Variants in ZNF780A observed in about 807,000 individuals in gnomAD.
The protein encoded by ZNF780A is zinc finger protein 780A.
A neutral mutation model predicts 56.7 loss-of-function variants in ZNF780A; 40 were observed. The observed-to-expected ratio is 0.71, with a 90% CI of 0.55 to 0.92. The LOEUF is 0.92. Among genes scored for constraint, ZNF780A ranks in the 40% least tolerant of loss-of-function variants. The pLI is 0.00. For missense variants in ZNF780A, 672 were observed against 783.3 expected (o/e 0.86, Z 1.70); for synonymous variants, 231 against 248.3 (o/e 0.93, Z 0.66).
chr19:40,089,988 C>A lies in ZNF780A; in HGVS notation c.-46+178G>T, dbSNP rs115884771. ...TCTATACCAGCTTCGAAAAAGAGAG[C>A]GCACAGGAAGGTGTGAACGATTTGC... On this transcript the variant is annotated intron_variant, in intron 2 of 5. Transcript: ENST00000683561. 2.4e-3 allele frequency among the ~76,000 whole-genome samples: 359 copies of A among 152,188 alleles called. 2 individuals are homozygous for A. The highest frequency in any genetic ancestry group is 8.2e-3 in the African/African-American group (340 of 41,508).
At chr19:40,072,948 G>A, downstream of ZNF780A, 1 of 1,546,320 alleles carries the variant, frequency 6.5e-7, no homozygotes, top group South Asian at 1.2e-5. Flanking sequence ...ATGAATAGCT[G>A]TAAAAGATGG....
chr19:40,089,157 C>A, intron 2 of ZNF780A: 2 of 1,120,556 alleles, frequency 1.8e-6, no homozygotes, highest in African/African-American at 1.6e-5. Flanking sequence ...TTGAAAAATG[C>A]TAGGAGGGTG....
Position 40,075,293 on chromosome 19 carries a change from G to A in ZNF780A, c.1149C>T (p.His383=). 1 of 1,613,684 alleles carries A rather than the reference G, an allele frequency of 6.2e-7. No homozygotes were observed. ...LNQLNRHKNI[H]TGEKPFECKE... is the part of the protein sequence containing the mutation. The stretch of plus-strand genomic sequence containing the variant: ...TACATTCAAACGGTTTTTCACCTGT[G>A]TGAATGTTCTTATGGCGATTAAGCT... Residue 383 remains histidine (H), a synonymous_variant, in exon 6 of 6, where the codon CAC becomes CAT. Transcript: ENST00000683561.
At chr19:40,085,669 C>G (rs534700213) in intron 2 of ZNF780A, among the ~76,000 whole-genome samples, 10 of 152,174 alleles carry the variant, frequency 6.6e-5, no homozygotes, top group Non-Finnish European at 1.5e-4. Flanking sequence ...ATCACGAGGT[C>G]AGGAGATCGA....
Position 40,074,564 on chromosome 19 carries a change from G to C in ZNF780A, c.1878C>G (p.Thr626=), listed in dbSNP as rs760691870. 2 of 1,613,616 alleles carry C rather than the reference G, an allele frequency of 1.2e-6. No homozygotes were observed. The highest frequency in any genetic ancestry group is 2.2e-5 in the East Asian group (1 of 44,822). Residue 626 remains threonine (T), a synonymous_variant, in exon 6 of 6, where the codon ACC becomes ACG. Coordinates refer to ENST00000683561, the MANE Select transcript of ZNF780A (RefSeq NM_001142578.2). The part of the protein sequence containing the change: ...KECGKVFSLP[T]QLNRHKNIHT... ...GAATGTTCTTATGGCGATTAAGCTG[G>C]GTGGGAAGACTAAAAACCTTTCCAC...
At chr19:40,079,513 A>G (rs1196286116) in intron 5 of ZNF780A, among the ~76,000 whole-genome samples, 2 of 152,168 alleles carry the variant, frequency 1.3e-5, no homozygotes, top group African/African-American at 4.8e-5. Flanking sequence ...TTTACTGAAC[A>G]TTTCATCAAA....
downstream of ZNF780A, chr19:40,070,357 C>T (rs535347472): frequency 6.6e-6 from 1 of 152,236 alleles, no homozygotes; most frequent in East Asian, 1.9e-4. Context: ...ATTTAAGCAA[C>T]TTAGTAACCA....
chr19:40,090,845 G>A (rs976244749), intron 1 of ZNF780A, 61 bp downstream of exon 1: 5 of 152,540 alleles, frequency 3.3e-5, no homozygotes, highest in African/African-American at 1.2e-4. Flanking sequence ...TCAGGCTGGA[G>A]CCCCAATCCG....
At chr19:40,077,448 AC>A (rs538954706) in intron 5 of ZNF780A, among the ~76,000 whole-genome samples, 2 of 152,170 alleles carry the variant, frequency 1.3e-5, no homozygotes, top group South Asian at 4.2e-4. Flanking sequence ...CTTTTAAACA[AC>A]CAGGTCTTGC....
chr19:40,088,795 T>C (rs377083439), intron 2 of ZNF780A, among the ~76,000 whole-genome samples: 3 of 152,248 alleles, frequency 2.0e-5, no homozygotes, highest in African/African-American at 7.2e-5. Flanking sequence ...GTGGTATATA[T>C]GCAGGTATAT....
chr19:40,082,299 T>G (rs796597303), intron 4 of ZNF780A, among the ~76,000 whole-genome samples: 12 of 152,320 alleles, frequency 7.9e-5, no homozygotes, highest in African/African-American at 2.9e-4. Context: ...TTTATAGGAT[T>G]GATACTAAGA....
rs543325319 is a variant in ZNF780A at position 40,075,499 on chromosome 19, G to A, written c.943C>T (p.Arg315Ter). 46 of 1,611,062 alleles carry A rather than the reference G, an allele frequency of 2.9e-5. No homozygotes were observed. The highest frequency in any genetic ancestry group is 6.8e-5 in the African/African-American group (5 of 73,938). ...TGTTCAATAAGTTGGTAATGATATC[G>A]AAAGGCCATCCCACATTCCTTACAT... The part of the protein sequence containing the change: ...FVCKECGMAF[R>*]YHYQLIEHCQ... The change falls in exon 6 of 6, where the codon CGA (arginine) becomes TGA (stop). Residue 315 changes from arginine to a stop codon, truncating the protein, a stop_gained. Coordinates refer to ENST00000683561, the MANE Select transcript of ZNF780A (RefSeq NM_001142578.2). LOFTEE classifies it high-confidence loss of function.
intron 5 of ZNF780A, among the ~76,000 whole-genome samples, chr19:40,079,736 G>A (rs1974365567): frequency 6.6e-6 from 1 of 151,844 alleles, no homozygotes; most frequent in African/African-American, 2.4e-5. Flanking sequence ...ATAACCACTG[G>A]GTCAAGAAAG....
intron 2 of ZNF780A, among the ~76,000 whole-genome samples, chr19:40,088,027 C>T (rs560774901): frequency 5.9e-5 from 9 of 152,214 alleles, no homozygotes; most frequent in Non-Finnish European, 1.3e-4. Flanking sequence ...AGATTAAAGA[C>T]TTAAATGTAA....
In ZNF780A at chr19:40,075,361, AG is replaced by A. The variant is rs759267181; in HGVS notation, c.1080del (p.Phe361LeufsTer54). On this transcript the variant is annotated frameshift_variant, in exon 6 of 6. Coordinates refer to ENST00000683561, the MANE Select transcript of ZNF780A (RefSeq NM_001142578.2). LOFTEE classifies it high-confidence loss of function. ...GCCTTCCCACATTCCCTGCATTCAA[AG>A]GGTTTCTCACCAGTATGAATCTTCT... ...RHQKIHTGEKPFECRECGKAF... is the reference protein window; with the variant it reads ...RHQKIHTGEKXFECRECGKAF... The A allele has an allele frequency of 1.2e-6, 2 of 1,614,074 alleles. No homozygotes were observed. Among genetic ancestry groups the A allele is most frequent in the Admixed American group, 1.7e-5 (1 of 60,008 alleles).
rs748257438 is a variant in ZNF780A, at chr19:40,075,933, C to G, written c.509G>C (p.Cys170Ser). 6.2e-7 allele frequency: 1 copy of G among 1,614,090 alleles called. No individual in the cohort carries two copies. The highest frequency in any genetic ancestry group is 1.7e-5 in the Admixed American group (1 of 60,030). The change falls in exon 6 of 6, where the codon TGT becomes TCT. Residue 170 changes from cysteine (C) to serine (S), a missense_variant. Cys to Ser is a moderately radical substitution (Grantham distance 112). Coordinates refer to ENST00000683561, the MANE Select transcript of ZNF780A (RefSeq NM_001142578.2). ...TGCACTACGACTAAAGTATTTCCCA[C>G]ATTCCTTACATTCATACGGTTTATG... is the stretch of plus-strand genomic sequence containing the variant. ...NTHKPYECKE[C>S]GKYFSRSANL...
Position 40,075,172 on chromosome 19 carries a change from T to A in ZNF780A, c.1270A>T (p.Lys424Ter). The change falls in exon 6 of 6, where the codon AAA (lysine) becomes TAA (stop). Residue 424 changes from lysine (K) to a stop codon, truncating the protein, a stop_gained. Transcript: ENST00000683561. LOFTEE classifies it high-confidence loss of function. ...IKPYECKECG[K>*]GFNRGAHLIQ... ...AGGTGTGCACCACGATTAAAGCCTTTCCCACACTCCTTACATTCATATGGT... is the reference window on the plus strand; with the variant it reads ...AGGTGTGCACCACGATTAAAGCCTTACCCACACTCCTTACATTCATATGGT... 1 of 1,614,052 alleles carries A rather than the reference T, an allele frequency of 6.2e-7. No homozygotes were observed. Among genetic ancestry groups the A allele is most frequent in the Non-Finnish European group, 8.5e-7 (1 of 1,180,004 alleles).
chr19:40,072,749 T>C, downstream of ZNF780A: 1 of 1,314,616 alleles, frequency 7.6e-7, no homozygotes. Flanking sequence ...CCTGGAGAAA[T>C]AATAAAAAAC....
chr19:40,078,293 G>C (rs1380398845), intron 5 of ZNF780A, among the ~76,000 whole-genome samples: 1 of 151,868 alleles, frequency 6.6e-6, no homozygotes, highest in Admixed American at 6.6e-5. Context: ...ACCCTATATG[G>C]GACATCATAA....
Sources: gnomAD v4.1 joint callset for allele counts (sites outside exome capture counted in the v4.1 genomes callset) on GRCh38, gnomAD v4.1.1 for gene constraint, MANE v1.5 for transcripts, NCBI Gene and HGNC (gene_info 2026-07-23, HGNC 2026-07-21) for gene names.